SH3PXD2B: variants seen among roughly 807,000 people sequenced by gnomAD.
The protein encoded by SH3PXD2B is SH3 and PX domains 2B, also known as SH3 and PX domain-containing protein 2B.
In SH3PXD2B, 37 loss-of-function variants were observed where a neutral mutation model predicts 73.1. The observed-to-expected ratio is 0.51, with a 90% CI of 0.39 to 0.67. SH3PXD2B has a LOEUF of 0.67. Ranked by LOEUF, SH3PXD2B falls within the 30% of genes least tolerant of loss-of-function variation. The probability of loss-of-function intolerance (pLI) is 0.00; values close to 1 mark genes in which losing one functional copy is unlikely to be tolerated. For synonymous variants in SH3PXD2B, 457 were observed against 480.5 expected (o/e 0.95, Z 0.64); for missense variants, 1,053 against 1,197.8 (o/e 0.88, Z 1.78).
intron 1 of SH3PXD2B, among the ~76,000 whole-genome samples, chr5:172,444,287 C>T (rs2731691): frequency 5.9e-5 from 9 of 152,036 alleles, no homozygotes; most frequent in Admixed American, 5.2e-4. Flanking sequence ...GGAGTTCCCA[C>T]TCCCTGGATG....
chr5:172,365,925 C>T (rs534452675), intron 6 of SH3PXD2B, among the ~76,000 whole-genome samples: 20 of 152,290 alleles, frequency 1.3e-4, no homozygotes, highest in Non-Finnish European at 2.1e-4. Flanking sequence ...GGGCTCAAAA[C>T]CCCAGGATTG....
chr5:172,347,404 C>A (rs1757021733), intron 10 of SH3PXD2B, 72 bp from the exon 11 acceptor site: 2 of 1,480,728 alleles, frequency 1.4e-6, no homozygotes, highest in African/African-American at 2.8e-5. Context: ...CAGGTCGGGT[C>A]TATTTTCTCC....
chr5:172,329,816 C>T (rs533082246), downstream of SH3PXD2B, among the ~76,000 whole-genome samples: 6 of 152,294 alleles, frequency 3.9e-5, no homozygotes, highest in Non-Finnish European at 8.8e-5. Context: ...GGATTACAGG[C>T]GTAAGCCACT....
In SH3PXD2B at chr5:172,436,301, G is replaced by A. The variant is rs114057909; in HGVS notation, c.76-13805C>T. On this transcript the variant is annotated intron_variant, in intron 1 of 12. Transcript: ENST00000311601. ...GGCCATCCACCCCAGTTTCCATAGC[G>A]CAGTGCCACTTTTGGCTCTTCTGTG... 8.4e-3 allele frequency among the ~76,000 whole-genome samples: 1,279 copies of A among 152,264 alleles called. 30 individuals are homozygous for A. Among genetic ancestry groups the A allele is most frequent in the African/African-American group, 0.029 (1,199 of 41,536 alleles).
At chr5:172,329,660 C>T (rs1206083846), downstream of SH3PXD2B, among the ~76,000 whole-genome samples, 2 of 151,112 alleles carry the variant, frequency 1.3e-5, no homozygotes, top group African/African-American at 4.9e-5. Context: ...GCCTCAGCCT[C>T]TCAAGTAGAT....
In SH3PXD2B at chr5:172,334,289, C is replaced by T. The variant is rs912925120; in HGVS notation, c.*4080G>A. On this transcript the variant is annotated 3_prime_UTR_variant, in exon 13 of 13. Coordinates refer to ENST00000311601, the MANE Select transcript of SH3PXD2B (RefSeq NM_001017995.3). ...GAGCAGGCAAGGACTGTGGAGCCTC[C>T]GGTTCCAGCTCTGCAGCTCTGCCTG... 14 of 999,622 alleles carry T rather than the reference C, an allele frequency of 1.4e-5. No individual in the cohort carries two copies. The South Asian group carries it at 3.2e-4, about 23-fold the overall frequency. The allele number at this position is 999,622 out of a possible 1,614,324, so 61.9% of individuals were successfully genotyped here.
At chr5:172,403,012 C>T (rs970524899) in intron 3 of SH3PXD2B, among the ~76,000 whole-genome samples, 1 of 152,268 alleles carries the variant, frequency 6.6e-6, no homozygotes, top group Non-Finnish European at 1.5e-5. Flanking sequence ...GGAGCCAGCA[C>T]CTCCTTGGCC....
rs546871647 is a variant in SH3PXD2B, at chr5:172,389,716, C to A, written c.309+4847G>T. On this transcript the variant is annotated intron_variant, in intron 4 of 12. Coordinates refer to ENST00000311601, the MANE Select transcript of SH3PXD2B (RefSeq NM_001017995.3). ...ATCCAGCCTGGGAGATAGAGCAAGA[C>A]CTTGTCTCAAAATAATAAAAATAAA... Among the ~76,000 whole-genome samples the A allele has an allele frequency of 2.0e-5, 3 of 152,180 alleles. No homozygotes were observed. In the South Asian group the frequency reaches 6.2e-4, roughly 32 times the overall value.
In SH3PXD2B at chr5:172,333,540, TAAAAAAA is replaced by T. The variant is rs35951290; in HGVS notation, c.*4822_*4828del. The T allele has an allele frequency of 1.9e-6, 2 of 1,035,770 alleles. No individual in the cohort carries two copies. The highest frequency in any genetic ancestry group is 2.4e-6 in the Non-Finnish European group (2 of 827,112). 64.2% of individuals were successfully genotyped at this position (1,035,770 alleles called of 1,614,324 possible). A position where few individuals can be genotyped will look rare whatever the true frequency, so the allele number is the denominator to read the frequency against. On this transcript the variant is annotated 3_prime_UTR_variant, in exon 13 of 13. Coordinates refer to ENST00000311601, the MANE Select transcript of SH3PXD2B (RefSeq NM_001017995.3). The stretch of plus-strand genomic sequence containing the variant: ...AAACCAGTCAAGCACTTTTTTTATT[TAAAAAAA>T]AAAAAAGGAAAGAAGTCAAATGGTA...
At chr5:172,391,354 C>T (rs2113392591) in intron 4 of SH3PXD2B, among the ~76,000 whole-genome samples, 1 of 152,280 alleles carries the variant, frequency 6.6e-6, no homozygotes, top group African/African-American at 2.4e-5. Context: ...TTATTGAAGT[C>T]TTTAAAATCG....
intron 5 of SH3PXD2B, among the ~76,000 whole-genome samples, chr5:172,378,772 T>C (rs946263987): frequency 3.5e-4 from 53 of 152,234 alleles, no homozygotes; most frequent in African/African-American, 1.1e-3. Flanking sequence ...TTACCCAGCT[T>C]GAAAGTGGCT....
At chr5:172,407,384 G>A (rs1483093785) in intron 2 of SH3PXD2B, among the ~76,000 whole-genome samples, 2 of 152,160 alleles carry the variant, frequency 1.3e-5, no homozygotes, top group Non-Finnish European at 2.9e-5. Context: ...ATGGGGATTG[G>A]CCACTCTCCA....
At position 172,335,803 on chromosome 5, in the gene SH3PXD2B, C is replaced by T. The variant is rs1200488164; in HGVS notation, c.*2566G>A. ...CACCCACTGCCTGGGGAAGTGTCTA[C>T]CATTGTAGGAAAAGGAGCTGGATAC... On this transcript the variant is annotated 3_prime_UTR_variant, in exon 13 of 13. Coordinates refer to ENST00000311601, the MANE Select transcript of SH3PXD2B (RefSeq NM_001017995.3). The T allele has an allele frequency of 8.1e-7, 1 of 1,229,860 alleles. No individual in the cohort carries two copies. The allele number at this position is 1,229,860 out of a possible 1,614,324, so 76.2% of individuals were successfully genotyped here.
At chr5:172,427,459 C>T (rs141858270) in intron 1 of SH3PXD2B, among the ~76,000 whole-genome samples, 1 of 152,332 alleles carries the variant, frequency 6.6e-6, no homozygotes, top group East Asian at 1.9e-4. Flanking sequence ...AATCCTCCCA[C>T]CTCAGCCTCC....
chr5:172,428,889 C>T (rs1370863491), intron 1 of SH3PXD2B, among the ~76,000 whole-genome samples: 1 of 152,192 alleles, frequency 6.6e-6, no homozygotes, highest in Non-Finnish European at 1.5e-5. Flanking sequence ...GGGCACAGCT[C>T]AGATGCTACT....
chr5:172,338,869 G>C lies in SH3PXD2B; in HGVS notation c.2236C>G (p.Pro746Ala). The change falls in exon 13 of 13, where the codon CCT (proline) becomes GCT (alanine). Residue 746 changes from proline to alanine, a missense_variant. By Grantham distance (27) the Pro-to-Ala change is conservative (BLOSUM62 -1). Transcript: ENST00000311601. The surrounding 1 kb of genome is among the most constrained non-coding windows in gnomAD (Gnocchi z 5.1). ...CTCTGCTGGGGAGCCTCTTGGAGAG[G>C]AACAGGCACGCTCTTAGACACAGGA... ...TDPVSKSVPVPLQEAPQQRPV... is the reference protein window; with the variant it reads ...TDPVSKSVPVALQEAPQQRPV... The C allele has an allele frequency of 6.2e-7, 1 of 1,612,634 alleles. No individual in the cohort carries two copies. Among genetic ancestry groups the C allele is most frequent in the Non-Finnish European group, 8.5e-7 (1 of 1,178,742 alleles).
chr5:172,434,782 G>GTTTTTTTTTTTTTTTT (rs71577589), intron 1 of SH3PXD2B, among the ~76,000 whole-genome samples: 9 of 66,338 alleles, frequency 1.4e-4, no homozygotes, highest in African/African-American at 4.2e-4. Flanking sequence ...ATGGCCAATG[G>GTTTTTTTTTTTTTTTT]TTTTTTTTTT....
intron 2 of SH3PXD2B, among the ~76,000 whole-genome samples, chr5:172,420,375 G>C (rs1758933749): frequency 6.6e-6 from 1 of 152,194 alleles, no homozygotes; most frequent in Non-Finnish European, 1.5e-5. Flanking sequence ...ACTCTTGGCA[G>C]TTTGTTATGT....
chr5:172,392,329 G>C (rs1448742050), intron 4 of SH3PXD2B, among the ~76,000 whole-genome samples: 1 of 152,166 alleles, frequency 6.6e-6, no homozygotes, highest in African/African-American at 2.4e-5. Context: ...ACCAATGAGA[G>C]AGGTCAGAAG....
Sources: allele counts gnomAD v4.1 joint callset (sites outside exome capture counted in the v4.1 genomes callset), GRCh38; gene constraint gnomAD v4.1.1; non-coding constraint Gnocchi (gnomAD v3.1); transcripts MANE v1.5; gene names NCBI Gene and HGNC (gene_info 2026-07-23, HGNC 2026-07-21).